SLIT2: variants seen among roughly 807,000 people sequenced by gnomAD.
SLIT2 encodes the protein slit guidance ligand 2.
In SLIT2, 41 loss-of-function variants were observed where a neutral mutation model predicts 185.7. That is an observed-to-expected ratio of 0.22 (90% CI 0.17 to 0.29). SLIT2 has a LOEUF of 0.29. SLIT2 is among the 10% of genes least tolerant of loss of function. The pLI is 1.00. For synonymous variants in SLIT2, 693 were observed against 680.2 expected (o/e 1.02, Z -0.29); for missense variants, 1,571 against 1,909.0 (o/e 0.82, Z 3.30).
chr4:20,391,343 G>A (rs1725396663), intron 4 of SLIT2, among the ~76,000 whole-genome samples: 2 of 152,010 alleles, frequency 1.3e-5, no homozygotes, highest in South Asian at 2.1e-4. Flanking sequence ...TGTATGAGAT[G>A]GAGATACAAC....
intron 28 of SLIT2, 47 bp downstream of exon 28, chr4:20,567,662 A>G (rs768730092): frequency 7.2e-7 from 1 of 1,380,042 alleles, no homozygotes; most frequent in Non-Finnish European, 1.0e-6. Flanking sequence ...ATTGGAGCAA[A>G]GATAACTAAG....
chr4:20,436,498 T>G (rs2148692252), intron 4 of SLIT2, among the ~76,000 whole-genome samples: 1 of 152,330 alleles, frequency 6.6e-6, no homozygotes, highest in Middle Eastern at 3.4e-3. Context: ...GCATCAAAAC[T>G]TATTACCCAG....
rs1263498868 is a variant in SLIT2, at chr4:20,595,656, G to T, written c.3183-41G>T. ...TAAAATGCATTGTTTACTTATTTTG[G>T]CTCAGTTGGGTTTGAAACCATTACC... On this transcript the variant is annotated intron_variant, in intron 30 of 36. Transcript: ENST00000504154. 1.2e-6 allele frequency: 2 copies of T among 1,606,406 alleles called. No homozygotes were observed. The highest frequency in any genetic ancestry group is 4.5e-5 in the East Asian group (2 of 44,718).
At chr4:20,526,578 G>T (rs946755374) in intron 15 of SLIT2, among the ~76,000 whole-genome samples, 1 of 151,834 alleles carries the variant, frequency 6.6e-6, no homozygotes, top group Non-Finnish European at 1.5e-5. Flanking sequence ...ATTAATAATT[G>T]GTAAGTTTAA....
At chr4:20,607,684 C>G (rs1728894628) in intron 33 of SLIT2, among the ~76,000 whole-genome samples, 1 of 152,102 alleles carries the variant, frequency 6.6e-6, no homozygotes, top group Non-Finnish European at 1.5e-5. Context: ...GCATCAAACA[C>G]CATCATTGAT....
intron 4 of SLIT2, among the ~76,000 whole-genome samples, chr4:20,419,227 C>T (rs1278886217): frequency 6.6e-6 from 1 of 152,116 alleles, no homozygotes; most frequent in Non-Finnish European, 1.5e-5. Flanking sequence ...CAATAAATGT[C>T]ACAAGAACCC....
chr4:20,319,099 T>C (rs1718833213), intron 4 of SLIT2, among the ~76,000 whole-genome samples: 1 of 152,180 alleles, frequency 6.6e-6, no homozygotes, highest in African/African-American at 2.4e-5. Context: ...GATGTAATTA[T>C]ATACTTTAAA....
intron 4 of SLIT2, among the ~76,000 whole-genome samples, chr4:20,332,480 G>A (rs906073866): frequency 6.6e-6 from 1 of 151,994 alleles, no homozygotes; most frequent in Non-Finnish European, 1.5e-5. Context: ...TCAGGAGTTC[G>A]AGACCAGCCT....
chr4:20,603,142 A>G (rs1728531914), intron 33 of SLIT2, among the ~76,000 whole-genome samples: 1 of 152,210 alleles, frequency 6.6e-6, no homozygotes, highest in Non-Finnish European at 1.5e-5. Context: ...AGGCCTCACA[A>G]TCATAGCAGA....
chr4:20,567,204 G>C (rs1412341417), intron 26 of SLIT2, 58 bp from the exon 27 acceptor site: 18 of 1,452,466 alleles, frequency 1.2e-5, no homozygotes, highest in Admixed American at 8.0e-5. Flanking sequence ...AGGCATACAA[G>C]TAATTAAAAG....
At chr4:20,357,982 G>T (rs1482028812) in intron 4 of SLIT2, among the ~76,000 whole-genome samples, 1 of 151,854 alleles carries the variant, frequency 6.6e-6, no homozygotes. Context: ...GTGATATGTG[G>T]ATTTTAATTG....
At chr4:20,299,028 T>C (rs893616552) in intron 4 of SLIT2, among the ~76,000 whole-genome samples, 5 of 152,236 alleles carry the variant, frequency 3.3e-5, no homozygotes, top group African/African-American at 1.2e-4. Flanking sequence ...TGCAATATGT[T>C]TTTGTATATT....
chr4:20,465,116 T>A (rs9998254), intron 4 of SLIT2, among the ~76,000 whole-genome samples: 26,702 of 152,168 alleles, frequency 0.18, 2,765 homozygotes, highest in Non-Finnish European at 0.23. Flanking sequence ...GGGAAAAGCC[T>A]TCTAAATTTC....
At chr4:20,444,380 G>T (rs919329669) in intron 4 of SLIT2, among the ~76,000 whole-genome samples, 10 of 151,304 alleles carry the variant, frequency 6.6e-5, no homozygotes, top group African/African-American at 2.4e-4. Context: ...TTTGTTGAAG[G>T]TTGTTTCTTA....
chr4:20,332,327 A>G (rs767946248), intron 4 of SLIT2, among the ~76,000 whole-genome samples: 1 of 152,072 alleles, frequency 6.6e-6, no homozygotes, highest in Non-Finnish European at 1.5e-5. Flanking sequence ...GGGGAGGACT[A>G]TTTTTCATAG....
chr4:20,419,358 CTA>C (rs1372297440), intron 4 of SLIT2, among the ~76,000 whole-genome samples: 1 of 152,090 alleles, frequency 6.6e-6, no homozygotes, highest in African/African-American at 2.4e-5. Flanking sequence ...TTATAAATGT[CTA>C]AAACTGTATA....
intron 29 of SLIT2, among the ~76,000 whole-genome samples, chr4:20,582,417 G>A (rs1190881239): frequency 1.3e-5 from 2 of 152,086 alleles, no homozygotes; most frequent in African/African-American, 4.8e-5. Flanking sequence ...TAGTCCCCTC[G>A]TTATCTGCGG....
intron 4 of SLIT2, among the ~76,000 whole-genome samples, chr4:20,418,801 C>G (rs1339325332): frequency 6.6e-6 from 1 of 151,884 alleles, no homozygotes; most frequent in Non-Finnish European, 1.5e-5. Context: ...GGAAAAATAA[C>G]ACACACATAC....
intron 4 of SLIT2, among the ~76,000 whole-genome samples, chr4:20,302,651 T>C (rs1485359848): frequency 6.6e-6 from 1 of 151,956 alleles, no homozygotes; most frequent in Admixed American, 6.6e-5. Flanking sequence ...GGAGGGAGGT[T>C]AAGGAGAGGG....
Sources: allele counts gnomAD v4.1 joint callset (sites outside exome capture counted in the v4.1 genomes callset), GRCh38; gene constraint gnomAD v4.1.1; transcripts MANE v1.5; gene names NCBI Gene and HGNC (gene_info 2026-07-23, HGNC 2026-07-21).